The following TSBP1 variants were observed in gnomAD, a reference collection of about 807,000 sequenced individuals.
TSBP1 encodes testis-expressed basic protein 1.
TSBP1 carries 56 observed loss-of-function variants against 68.8 expected under a neutral mutation model. That is an observed-to-expected ratio of 0.81 (90% CI 0.66 to 1.02). The LOEUF (loss-of-function observed/expected upper bound fraction) is 1.02, where lower values mean the gene tolerates loss of function less well. TSBP1 is among the 50% of genes least tolerant of loss of function. The pLI is 0.00. For missense variants in TSBP1, 502 were observed against 641.2 expected (o/e 0.78, Z 2.34); for synonymous variants, 171 against 208.7 (o/e 0.82, Z 1.56).
chr6:32,323,647 T>C (rs1329914068), intron 16 of TSBP1, 33 bp from the exon 18 acceptor site: 2 of 1,607,856 alleles, frequency 1.2e-6, no homozygotes, highest in African/African-American at 2.7e-5. Flanking sequence ...AGCAACTGTT[T>C]TTTCTCCCAT....
chr6:32,312,396 G>A (rs1258724783), intron 19 of TSBP1, among the ~76,000 whole-genome samples: 2 of 152,192 alleles, frequency 1.3e-5, no homozygotes, highest in African/African-American at 2.4e-5. Context: ...TTCTGAGTCA[G>A]TGTGCCTGAG....
chr6:32,339,430 A>T (rs746976552), intron 10 of TSBP1, 170 bp downstream of exon 11: 1 of 720,832 alleles, frequency 1.4e-6, no homozygotes, highest in Non-Finnish European at 2.6e-6. Flanking sequence ...CTCCATCTTT[A>T]TGTGCTTTCT....
At chr6:32,319,051 T>G (rs781548811) in intron 18 of TSBP1, among the ~76,000 whole-genome samples, 1 of 152,162 alleles carries the variant, frequency 6.6e-6, no homozygotes, top group Non-Finnish European at 1.5e-5. Flanking sequence ...ATTATTTAAT[T>G]AATTAGTCCT....
chr6:32,315,270 T>C lies in TSBP1; in HGVS notation c.580+502A>G, dbSNP rs183377301. On this transcript the variant is annotated intron_variant, in intron 19 of 22. Coordinates refer to ENST00000612031, the Ensembl canonical transcript of TSBP1. The surrounding 1 kb of genome is among the most constrained non-coding windows in gnomAD (Gnocchi z 5.4). ...TTACCTTGGAAGTTGGGTTTAGAAC[T>C]AAAATAATGGGGCTGGGCGTGGTGG... Among the ~76,000 whole-genome samples the C allele has an allele frequency of 6.6e-6, 1 of 152,204 alleles. No individual in the cohort carries two copies. The highest frequency in any genetic ancestry group is 1.9e-4 in the East Asian group (1 of 5,180).
Position 32,308,957 on chromosome 6 carries a change from C to CCT in TSBP1, c.581-6329_581-6328insAG, listed in dbSNP as rs1562075680. 8.2e-5 allele frequency among the ~76,000 whole-genome samples: 10 copies of CCT among 122,050 alleles called. 2 individuals carry two copies. The highest frequency in any genetic ancestry group is 1.7e-5 in the Non-Finnish European group (1 of 60,394). 80.1% of individuals were successfully genotyped at this position (122,050 alleles called of 152,430 possible). ...TCTCCTTCTCCTTCTTTTCTTCCTG[C>CCT]TTTTTTTTTTTTTTTTTTGACAGGG... On this transcript the variant is annotated intron_variant, in intron 19 of 22. Coordinates refer to ENST00000612031, the Ensembl canonical transcript of TSBP1.
chr6:32,370,855 A>AAGAG (rs1554214192), intron 1 of TSBP1, among the ~76,000 whole-genome samples: 19,007 of 150,050 alleles, frequency 0.13, 1,420 homozygotes, highest in East Asian at 0.15. Context: ...AAAAAAAGAA[A>AAGAG]AGAGAGAGAG....
intron 9 of TSBP1, among the ~76,000 whole-genome samples, chr6:32,342,327 C>T (rs1246901566): frequency 2.0e-5 from 3 of 152,070 alleles, no homozygotes; most frequent in African/African-American, 7.2e-5. Context: ...CCACGCCCAG[C>T]TAATTTTGTA....
chr6:32,322,162 C>T (rs1364269913), intron 18 of TSBP1, among the ~76,000 whole-genome samples: 1 of 152,134 alleles, frequency 6.6e-6, no homozygotes, highest in African/African-American at 2.4e-5. Flanking sequence ...GATATGAGAA[C>T]CAAATTTGCA....
Position 32,353,635 on chromosome 6 carries a change from TA to T in TSBP1, c.259+1488del, listed in dbSNP as rs201946611. Among the ~76,000 whole-genome samples the T allele has an allele frequency of 5.8e-3, 654 of 113,488 alleles. 5 individuals carry two copies. Among genetic ancestry groups the T allele is most frequent in the Middle Eastern group, 0.016 (3 of 192 alleles). The allele number at this position is 113,488 out of a possible 152,430, so 74.5% of individuals were successfully genotyped here. On this transcript the variant is annotated intron_variant, in intron 8 of 22. Transcript: ENST00000612031. Reference sequence around the variant, plus strand: ...CTGAAAAAGAACAAAGATAATGTGCTATTTTTTGTAATAAATGTTATAAAGT... The same window carrying T: ...CTGAAAAAGAACAAAGATAATGTGCTTTTTTTGTAATAAATGTTATAAAGT...
In TSBP1 at chr6:32,313,896, C is replaced by T. The variant is rs565046736; in HGVS notation, c.580+1876G>A. ...ATGGGTGAAGATATTTTGGCTTCTCCGCGTGGGGAGGCAGCGTGTTTTCTG... is the reference window on the plus strand; with the variant it reads ...ATGGGTGAAGATATTTTGGCTTCTCTGCGTGGGGAGGCAGCGTGTTTTCTG... On this transcript the variant is annotated intron_variant, in intron 19 of 22. Coordinates refer to ENST00000612031, the Ensembl canonical transcript of TSBP1. Among the ~76,000 whole-genome samples the T allele has an allele frequency of 2.0e-5, 3 of 152,148 alleles. No individual in the cohort carries two copies. The East Asian group carries it at 5.8e-4, about 29-fold the overall frequency.
chr6:32,325,077 A>G lies in TSBP1; in HGVS notation c.515-1463T>C, dbSNP rs971806091. On this transcript the variant is annotated intron_variant, in intron 16 of 22. Transcript: ENST00000612031. This position sits in a 1 kb window ranked among gnomAD's most constrained non-coding sequence, Gnocchi z 4.4. ...AAAGTTCCTAACATTCTTTAGAGTC[A>G]TGTAAAAACTTTTTTCTCAGGTCTT... The G allele has an allele frequency of 8.6e-6, 4 of 464,846 alleles. No individual in the cohort carries two copies. Among genetic ancestry groups the G allele is most frequent in the African/African-American group, 8.0e-5 (4 of 50,198 alleles). The allele number at this position is 464,846 out of a possible 1,614,324, so 28.8% of individuals were successfully genotyped here.
In TSBP1 at chr6:32,306,924, T is replaced by G. The variant is rs1765824402; in HGVS notation, c.581-4295A>C. On this transcript the variant is annotated intron_variant, in intron 19 of 22. Transcript: ENST00000612031. This position sits in a 1 kb window ranked among gnomAD's most constrained non-coding sequence, Gnocchi z 5.1. ...GTATTTCCATTTTTTTAGTGCATTTTCTTATGATTTTGAGGAAATTTTGCT... is the reference window on the plus strand; with the variant it reads ...GTATTTCCATTTTTTTAGTGCATTTGCTTATGATTTTGAGGAAATTTTGCT... Among the ~76,000 whole-genome samples the G allele has an allele frequency of 6.6e-6, 1 of 152,208 alleles. No homozygotes were observed. Among genetic ancestry groups the G allele is most frequent in the Admixed American group, 6.5e-5 (1 of 15,276 alleles).
intron 16 of TSBP1, chr6:32,324,460 G>C: frequency 2.6e-6 from 2 of 755,084 alleles, no homozygotes; most frequent in East Asian, 2.7e-5. Flanking sequence ...TTGAAATCCT[G>C]CAGGGGATTG....
At chr6:32,347,827 T>C (rs1771232306) in intron 9 of TSBP1, among the ~76,000 whole-genome samples, 1 of 152,186 alleles carries the variant, frequency 6.6e-6, no homozygotes, top group South Asian at 2.1e-4. Flanking sequence ...AGGAACTTGG[T>C]GTTCTTTCTG....
intron 3 of TSBP1, 102 bp from the exon 4 acceptor site, chr6:32,368,059 A>G (rs2127665063): frequency 1.1e-6 from 1 of 898,180 alleles, no homozygotes; most frequent in Non-Finnish European, 1.8e-6. Context: ...CTAATGGTGA[A>G]TAATGATGTG....
chr6:32,315,787 A>C lies in TSBP1; in HGVS notation c.565T>G (p.Ser189Ala), dbSNP rs1766887919. 1 of 1,509,928 alleles carries C rather than the reference A, an allele frequency of 6.6e-7. No individual in the cohort carries two copies. The highest frequency in any genetic ancestry group is 1.4e-5 in the African/African-American group (1 of 72,512). The allele number at this position is 1,509,928 out of a possible 1,614,324, so 93.5% of individuals were successfully genotyped here. ...AAGAACTTACTTGCAGTTCTCTGCG[A>C]AATTACTAAAAAATAAGCAAAAAGA... The change falls in exon 19 of 23, where the codon TCG (serine) becomes GCG (alanine). Residue 189 changes from serine (S) to alanine (A), a missense_variant. Coordinates refer to ENST00000612031, the Ensembl canonical transcript of TSBP1. The surrounding 1 kb of genome is among the most constrained non-coding windows in gnomAD (Gnocchi z 5.4).
At chr6:32,323,715 A>G in intron 16 of TSBP1, 101 bp from the exon 18 acceptor site, 1 of 1,013,632 alleles carries the variant, frequency 9.9e-7, no homozygotes, top group Non-Finnish European at 1.5e-6. Context: ...AACAATAGGG[A>G]AAACTTTCCC....
rs1159816451 is a variant in TSBP1, at chr6:32,320,050, G to C, written c.559+3067C>G. ...AATTCTCCAATTTGTTGGGGCTTGT[G>C]AGGTATCACTCACCACTCACATGGT... On this transcript the variant is annotated intron_variant, in intron 18 of 22. Transcript: ENST00000612031. 4 of 430,350 alleles carry C rather than the reference G, an allele frequency of 9.3e-6. No individual in the cohort carries two copies. The Admixed American group carries it at 1.1e-4, about 11-fold the overall frequency. 26.7% of individuals were successfully genotyped at this position (430,350 alleles called of 1,614,324 possible). A position where few individuals can be genotyped will look rare whatever the true frequency, so the allele number is the denominator to read the frequency against.
Position 32,335,371 on chromosome 6 carries a change from TA to T in TSBP1, c.472+65del. Reference sequence around the variant, plus strand: ...AGTCCTTGGGCATGAATAATTGAAATAAAAATAGATTGATGTTCTAAGTAAA... The same window carrying T: ...AGTCCTTGGGCATGAATAATTGAAATAAAATAGATTGATGTTCTAAGTAAA... On this transcript the variant is annotated intron_variant, in intron 14 of 22. Transcript: ENST00000612031. This position sits in a 1 kb window ranked among gnomAD's most constrained non-coding sequence, Gnocchi z 5.5. 1 of 1,424,756 alleles carries T rather than the reference TA, an allele frequency of 7.0e-7. No homozygotes were observed. The highest frequency in any genetic ancestry group is 9.4e-7 in the Non-Finnish European group (1 of 1,068,644). The allele number at this position is 1,424,756 out of a possible 1,614,324, so 88.3% of individuals were successfully genotyped here.
Sources: allele counts gnomAD v4.1 joint callset (sites outside exome capture counted in the v4.1 genomes callset), GRCh38; gene constraint gnomAD v4.1.1; non-coding constraint Gnocchi (gnomAD v3.1); transcripts MANE v1.5; gene names NCBI Gene and HGNC (gene_info 2026-07-23, HGNC 2026-07-21).